Variants in GPAT4 observed in about 807,000 individuals in gnomAD.
GPAT4 encodes glycerol-3-phosphate acyltransferase 4.
GPAT4 carries 17 observed loss-of-function variants against 58.0 expected under a neutral mutation model. The ratio of observed to expected loss-of-function variants is 0.29; its 90% CI spans 0.20 to 0.44. The LOEUF is 0.44. Ranked by LOEUF, GPAT4 falls within the 20% of genes least tolerant of loss-of-function variation. The pLI, the probability that GPAT4 is intolerant of heterozygous loss-of-function variation, is 1.00. For missense variants in GPAT4, 377 were observed against 574.5 expected (o/e 0.66, Z 3.51); for synonymous variants, 204 against 210.1 (o/e 0.97, Z 0.25).
At chr8:41,594,747 G>A (rs55710648) in intron 1 of GPAT4, among the ~76,000 whole-genome samples, 8 of 151,860 alleles carry the variant, frequency 5.3e-5, no homozygotes, top group Non-Finnish European at 8.8e-5. Context: ...GGGTTTCACC[G>A]TGTTAGCCAG....
At chr8:41,587,056 G>A (rs958171901) in intron 1 of GPAT4, among the ~76,000 whole-genome samples, 1 of 152,218 alleles carries the variant, frequency 6.6e-6, no homozygotes, top group African/African-American at 2.4e-5. Flanking sequence ...TCATGCCCCT[G>A]CCATCTGTGC....
intron 4 of GPAT4, 40 bp from the exon 5 acceptor site, chr8:41,610,696 T>A: frequency 6.3e-7 from 1 of 1,595,086 alleles, no homozygotes; most frequent in Non-Finnish European, 8.5e-7. Flanking sequence ...CTTGGTAGAA[T>A]GATTTGCTGG....
chr8:41,582,028 A>G (rs1204265732), intron 1 of GPAT4, among the ~76,000 whole-genome samples: 11 of 63,002 alleles, frequency 1.7e-4, no homozygotes, highest in South Asian at 1.2e-3. Context: ...TTTTTTTTGG[A>G]GACTGAGTCT....
intron 2 of GPAT4, among the ~76,000 whole-genome samples, chr8:41,600,031 C>CTTTTGT (rs1563273268): frequency 1.3e-5 from 1 of 75,446 alleles, no homozygotes; most frequent in Non-Finnish European, 2.8e-5. Context: ...TTATCTTTTT[C>CTTTTGT]TTTTCTTTTT....
chr8:41,621,251 A>G lies in GPAT4; in HGVS notation c.*250A>G, dbSNP rs1803742278. ...GGACGAGATGCCTTGTTTCTTTTAC[A>G]ATAAGTCGTTGGAGGAATGCCATTA... On this transcript the variant is annotated 3_prime_UTR_variant, in exon 13 of 13. Coordinates refer to ENST00000396987, the MANE Select transcript of GPAT4 (RefSeq NM_178819.4). The G allele has an allele frequency of 7.5e-6, 4 of 536,250 alleles. No individual in the cohort carries two copies. The highest frequency in any genetic ancestry group is 3.8e-5 in the African/African-American group (2 of 52,562). The allele number at this position is 536,250 out of a possible 1,614,324, so 33.2% of individuals were successfully genotyped here.
chr8:41,580,473 C>G (rs1353149891), intron 1 of GPAT4, among the ~76,000 whole-genome samples: 1 of 152,130 alleles, frequency 6.6e-6, no homozygotes, highest in Non-Finnish European at 1.5e-5. Context: ...CATTTCCTAG[C>G]AAAATTTATG....
rs186222770 is a variant in GPAT4, at chr8:41,612,289, G to A, written c.795+16G>A. ...TTATGCCATGGTAAGAGCTCTTTCCGGTGCGTTCTTGAGGCAAGACTTCCT... is the reference window on the plus strand; with the variant it reads ...TTATGCCATGGTAAGAGCTCTTTCCAGTGCGTTCTTGAGGCAAGACTTCCT... On this transcript the variant is annotated intron_variant, in intron 7 of 12. Coordinates refer to ENST00000396987, the MANE Select transcript of GPAT4 (RefSeq NM_178819.4). 51 of 1,613,590 alleles carry A rather than the reference G, an allele frequency of 3.2e-5. No homozygotes were observed. The highest frequency in any genetic ancestry group is 5.3e-5 in the African/African-American group (4 of 75,036).
At chr8:41,615,792 T>A (rs376429335) in intron 10 of GPAT4, among the ~76,000 whole-genome samples, 2 of 152,186 alleles carry the variant, frequency 1.3e-5, no homozygotes, top group Admixed American at 6.5e-5. Context: ...CAGATATGAG[T>A]CAGGCTCACA....
intron 1 of GPAT4, among the ~76,000 whole-genome samples, chr8:41,596,392 C>G (rs1358880423): frequency 6.6e-6 from 1 of 152,164 alleles, no homozygotes; most frequent in East Asian, 1.9e-4. Flanking sequence ...ATCAAGCAAT[C>G]CAAGTTAAGT....
intron 1 of GPAT4, among the ~76,000 whole-genome samples, chr8:41,597,290 C>A (rs1316318973): frequency 6.6e-6 from 1 of 152,106 alleles, no homozygotes; most frequent in Non-Finnish European, 1.5e-5. Flanking sequence ...TCTTGTACTT[C>A]TAAGTGTTTG....
chr8:41,596,418 A>G (rs1802934632), intron 1 of GPAT4, among the ~76,000 whole-genome samples: 1 of 152,216 alleles, frequency 6.6e-6, no homozygotes, highest in South Asian at 2.1e-4. Context: ...ACAAAAGCCA[A>G]AGTACCCGTA....
chr8:41,613,468 A>C (rs1021241291), intron 8 of GPAT4, among the ~76,000 whole-genome samples: 1 of 152,174 alleles, frequency 6.6e-6, no homozygotes, highest in Non-Finnish European at 1.5e-5. Flanking sequence ...TGTACCCATC[A>C]TAATAAACAA....
Position 41,618,856 on chromosome 8 carries a change from G to A in GPAT4, c.1183-42G>A, listed in dbSNP as rs756186542. 49 of 1,614,106 alleles carry A rather than the reference G, an allele frequency of 3.0e-5. No individual in the cohort carries two copies. In the Middle Eastern group the frequency reaches 4.9e-4, roughly 16 times the overall value. On this transcript the variant is annotated intron_variant, in intron 11 of 12. Transcript: ENST00000396987. Reference sequence around the variant, plus strand: ...CAGGTCTGCGCCTGCTCTGTGTAACGTCAAGCCGGGGCTGAGTGGTCTCAT... The same window carrying A: ...CAGGTCTGCGCCTGCTCTGTGTAACATCAAGCCGGGGCTGAGTGGTCTCAT...
At chr8:41,588,702 G>A (rs1274842678) in intron 1 of GPAT4, among the ~76,000 whole-genome samples, 3 of 152,218 alleles carry the variant, frequency 2.0e-5, no homozygotes, top group African/African-American at 7.2e-5. Flanking sequence ...TGTGTGCCCA[G>A]TGAGTATTTG....
At chr8:41,600,588 G>GT (rs71548108) in intron 2 of GPAT4, among the ~76,000 whole-genome samples, 18,987 of 144,602 alleles carry the variant, frequency 0.13, 1,264 homozygotes, top group Middle Eastern at 0.21. Context: ...AGCATATGGT[G>GT]TTTTTTTTTT....
intron 2 of GPAT4, among the ~76,000 whole-genome samples, chr8:41,605,543 GTGTTTTGTTTGTT>G (rs1563275471): frequency 2.9e-5 from 4 of 137,834 alleles, no homozygotes; most frequent in South Asian, 5.2e-4. Flanking sequence ...ATTGAAGGTT[GTGTTTTGTTTGTT>G]TGTTTGTTTG....
In GPAT4 at chr8:41,618,978, G is replaced by T. The variant is rs752927801; in HGVS notation, c.1262+1G>T. ...AGGGAGGACTTGTGGACCTGCTGTGGTAAGTTTAGAGCCAGGCCTTTTCAG... is the reference window on the plus strand; with the variant it reads ...AGGGAGGACTTGTGGACCTGCTGTGTTAAGTTTAGAGCCAGGCCTTTTCAG... On this transcript the variant is annotated splice_donor_variant, in intron 12 of 12. Transcript: ENST00000396987. LOFTEE classifies it high-confidence loss of function. 6.2e-7 allele frequency: 1 copy of T among 1,614,210 alleles called. No individual in the cohort carries two copies. Among genetic ancestry groups the T allele is most frequent in the Admixed American group, 1.7e-5 (1 of 60,038 alleles).
At chr8:41,578,495 C>G (rs1285156094) in intron 1 of GPAT4, 1 of 152,070 alleles carries the variant, frequency 6.6e-6, no homozygotes, top group Non-Finnish European at 1.5e-5. Context: ...GGTCCGCGCC[C>G]GCCCCGAACC....
rs940193160 is a variant in GPAT4, at chr8:41,610,219, T to C, written c.536+264T>C. 4.5e-6 allele frequency: 6 copies of C among 1,332,168 alleles called. No homozygotes were observed. In the Admixed American group the frequency reaches 1.1e-4, roughly 24 times the overall value. 82.5% of individuals were successfully genotyped at this position (1,332,168 alleles called of 1,614,324 possible). ...ACAGCAAACACAGGGACAGGGAACA[T>C]TGTGTGCTTTCTGCCACTCCTTCCT... On this transcript the variant is annotated intron_variant, in intron 4 of 12. Coordinates refer to ENST00000396987, the MANE Select transcript of GPAT4 (RefSeq NM_178819.4).
Sources: gnomAD v4.1 joint callset for allele counts (sites outside exome capture counted in the v4.1 genomes callset) on GRCh38, gnomAD v4.1.1 for gene constraint, MANE v1.5 for transcripts, NCBI Gene and HGNC (gene_info 2026-07-23, HGNC 2026-07-21) for gene names.